C3orf70: variants seen among roughly 807,000 people sequenced by gnomAD.
C3orf70 encodes UPF0524 protein C3orf70.
Under a neutral mutation model 20.7 loss-of-function variants are expected in C3orf70, and 15 were observed. The observed-to-expected ratio is 0.72, with a 90% confidence interval of 0.48 to 1.11. The LOEUF is 1.11. C3orf70 is among the 50% of genes most tolerant of loss of function. The pLI, the probability that C3orf70 is intolerant of heterozygous loss-of-function variation, is 0.00. For missense variants in C3orf70, 332 were observed against 317.6 expected (o/e 1.05, Z -0.34); for synonymous variants, 161 against 125.7 (o/e 1.28, Z -1.88).
chr3:185,143,356 A>G (rs892653569), intron 1 of C3orf70, among the ~76,000 whole-genome samples: 1 of 152,188 alleles, frequency 6.6e-6, no homozygotes, highest in African/African-American at 2.4e-5. Flanking sequence ...TTATATTCTT[A>G]GTGCTTTTAT....
At chr3:185,111,368 T>C (rs1017944594) in intron 1 of C3orf70, among the ~76,000 whole-genome samples, 2 of 152,192 alleles carry the variant, frequency 1.3e-5, no homozygotes, top group African/African-American at 4.8e-5. Flanking sequence ...TATCAGAATA[T>C]ATAAAGAACT....
chr3:185,121,252 G>A (rs933098795), intron 1 of C3orf70, among the ~76,000 whole-genome samples: 23 of 151,830 alleles, frequency 1.5e-4, no homozygotes, highest in South Asian at 4.2e-4. Flanking sequence ...GGGGATGTGG[G>A]ATAAAAGACT....
chr3:185,112,812 C>G (rs1716100856), intron 1 of C3orf70, among the ~76,000 whole-genome samples: 1 of 152,134 alleles, frequency 6.6e-6, no homozygotes, highest in South Asian at 2.1e-4. Flanking sequence ...TGAACTTTTA[C>G]CTAATGTATT....
At chr3:185,115,389 T>G (rs891084209) in intron 1 of C3orf70, among the ~76,000 whole-genome samples, 4 of 152,178 alleles carry the variant, frequency 2.6e-5, no homozygotes, top group African/African-American at 7.2e-5. Context: ...AGATTCTACA[T>G]CATAATCTGT....
At chr3:185,111,673 A>G (rs1716075450) in intron 1 of C3orf70, among the ~76,000 whole-genome samples, 1 of 152,202 alleles carries the variant, frequency 6.6e-6, no homozygotes, top group African/African-American at 2.4e-5. Context: ...AATTTGGAAG[A>G]GTTGATAGAG....
intron 1 of C3orf70, among the ~76,000 whole-genome samples, chr3:185,090,400 G>C (rs970783309): frequency 6.6e-6 from 1 of 152,180 alleles, no homozygotes; most frequent in African/African-American, 2.4e-5. Context: ...CTCCTTTGGG[G>C]GGAAAATGAG....
At chr3:185,136,938 AC>A (rs1561364249) in intron 1 of C3orf70, among the ~76,000 whole-genome samples, 4 of 106,860 alleles carry the variant, frequency 3.7e-5, no homozygotes, top group Non-Finnish European at 7.1e-5. Flanking sequence ...AACAACAACA[AC>A]AACAACAACA....
rs535918270 is a variant in C3orf70 at position 185,128,472 on chromosome 3, G to A, written c.196+24156C>T. Among the ~76,000 whole-genome samples the A allele has an allele frequency of 3.3e-5, 5 of 151,278 alleles. No individual in the cohort carries two copies. The South Asian group carries it at 8.4e-4, about 25-fold the overall frequency. ...GAACCCCAGAAGCAGAGGTTGCAGT[G>A]AGCCGATATCGCACCACTGCACTCC... On this transcript the variant is annotated intron_variant, in intron 1 of 1. Coordinates refer to ENST00000335012, the MANE Select transcript of C3orf70 (RefSeq NM_001025266.3).
intron 1 of C3orf70, among the ~76,000 whole-genome samples, chr3:185,112,976 C>A (rs577308448): frequency 2.5e-4 from 38 of 152,234 alleles, no homozygotes; most frequent in Non-Finnish European, 5.1e-4. Flanking sequence ...ACTTGAGTCA[C>A]TGAACATGAG....
intron 1 of C3orf70, among the ~76,000 whole-genome samples, chr3:185,136,243 A>G (rs1050595070): frequency 6.7e-6 from 1 of 150,334 alleles, no homozygotes; most frequent in Non-Finnish European, 1.5e-5. Flanking sequence ...AAAAAGGGTC[A>G]GTGTAACAAG....
intron 1 of C3orf70, among the ~76,000 whole-genome samples, chr3:185,111,815 T>C (rs188028957): frequency 1.3e-5 from 2 of 152,306 alleles, no homozygotes; most frequent in African/African-American, 4.8e-5. Context: ...CAGGCAATGA[T>C]GTTTTAAAGG....
chr3:185,098,235 G>A (rs1211002896), intron 1 of C3orf70, among the ~76,000 whole-genome samples: 1 of 152,140 alleles, frequency 6.6e-6, no homozygotes, highest in Non-Finnish European at 1.5e-5. Context: ...CCATGCAGAT[G>A]GCTGGCTCAA....
intron 1 of C3orf70, among the ~76,000 whole-genome samples, chr3:185,092,765 G>A (rs1355015952): frequency 6.6e-6 from 1 of 152,180 alleles, no homozygotes; most frequent in Admixed American, 6.5e-5. Context: ...GGCCTAGGTG[G>A]GCGGATCACG....
intron 1 of C3orf70, among the ~76,000 whole-genome samples, chr3:185,106,329 A>T (rs938134659): frequency 5.3e-5 from 8 of 152,206 alleles, no homozygotes; most frequent in African/African-American, 1.9e-4. Context: ...TATTGGAGGT[A>T]ATCTGCATAA....
intron 1 of C3orf70, among the ~76,000 whole-genome samples, chr3:185,095,428 G>C (rs1488467077): frequency 6.6e-6 from 1 of 152,226 alleles, no homozygotes; most frequent in Non-Finnish European, 1.5e-5. Context: ...CAGCCATTAA[G>C]TCAATGGACA....
intron 1 of C3orf70, among the ~76,000 whole-genome samples, chr3:185,145,404 C>G (rs945993048): frequency 6.6e-6 from 1 of 152,222 alleles, no homozygotes; most frequent in African/African-American, 2.4e-5. Context: ...AGCTTCGTAT[C>G]ATACAAATAA....
chr3:185,143,981 AACACACACACACAC>A (rs34762767), intron 1 of C3orf70, among the ~76,000 whole-genome samples: 12 of 148,844 alleles, frequency 8.1e-5, no homozygotes, highest in Admixed American at 7.4e-4. Flanking sequence ...TTCTATGGTA[AACACACACACACAC>A]ACACACACAC....
rs567485772 is a variant in C3orf70, at chr3:185,082,945, C to T, written c.*62G>A. ...TATCAACAGCATTGGAAAAAAGGAT[C>T]CACCAGACAAAGGTACAAAAGCTCG... is the stretch of plus-strand genomic sequence containing the variant. On this transcript the variant is annotated 3_prime_UTR_variant, in exon 2 of 2. Transcript: ENST00000335012. The T allele has an allele frequency of 9.5e-5, 144 of 1,508,922 alleles. 1 individual carries two copies. In the South Asian group the frequency reaches 1.5e-3, roughly 16 times the overall value. The allele number at this position is 1,508,922 out of a possible 1,614,324, so 93.5% of individuals were successfully genotyped here.
intron 1 of C3orf70, among the ~76,000 whole-genome samples, chr3:185,098,474 C>T (rs1715755294): frequency 1.3e-5 from 2 of 152,110 alleles, no homozygotes; most frequent in African/African-American, 2.4e-5. Context: ...ACAAGCAGGG[C>T]ACATTTCAAA....
Sources: gnomAD v4.1 joint callset for allele counts (sites outside exome capture counted in the v4.1 genomes callset) on GRCh38, gnomAD v4.1.1 for gene constraint, MANE v1.5 for transcripts, NCBI Gene and HGNC (gene_info 2026-07-23, HGNC 2026-07-21) for gene names.